DGKB: variants seen among roughly 807,000 people sequenced by gnomAD.
DGKB encodes the protein 90 kDa diacylglycerol kinase.
A neutral mutation model predicts 114.3 loss-of-function variants in DGKB; 67 were observed. The ratio of observed to expected loss-of-function variants is 0.59; its 90% CI spans 0.48 to 0.72. The LOEUF is 0.72. Ranked by LOEUF, DGKB falls within the 30% of genes least tolerant of loss-of-function variation. The pLI is 0.00. For synonymous variants in DGKB, 398 were observed against 323.1 expected (o/e 1.23, Z -2.49); for missense variants, 907 against 975.2 (o/e 0.93, Z 0.93).
At chr7:14,671,930 C>T (rs1439389714) in intron 13 of DGKB, among the ~76,000 whole-genome samples, 1 of 151,938 alleles carries the variant, frequency 6.6e-6, no homozygotes, top group African/African-American at 2.4e-5. Context: ...GTCTAATAAA[C>T]CTTACATGAA....
At chr7:14,828,444 C>A (rs1210469874) in intron 2 of DGKB, among the ~76,000 whole-genome samples, 1 of 151,958 alleles carries the variant, frequency 6.6e-6, no homozygotes, top group Admixed American at 6.6e-5. Flanking sequence ...TTGGTAGATG[C>A]CTTAGACAGT....
intron 20 of DGKB, among the ~76,000 whole-genome samples, chr7:14,526,638 G>C (rs1020437986): frequency 6.6e-6 from 1 of 152,130 alleles, no homozygotes; most frequent in East Asian, 1.9e-4. Flanking sequence ...ATGTAAGAGA[G>C]TGCCATAGTG....
At chr7:14,923,054 T>C (rs1784584847) in intron 1 of DGKB, among the ~76,000 whole-genome samples, 1 of 152,212 alleles carries the variant, frequency 6.6e-6, no homozygotes, top group East Asian at 1.9e-4. Flanking sequence ...TCTTCTAGAA[T>C]TGCTGGGTAT....
chr7:14,776,399 C>T (rs908243271), intron 2 of DGKB, among the ~76,000 whole-genome samples: 12 of 152,216 alleles, frequency 7.9e-5, no homozygotes, highest in African/African-American at 2.9e-4. Flanking sequence ...CAGACCTTCA[C>T]AGCAGGCCCT....
intron 21 of DGKB, among the ~76,000 whole-genome samples, chr7:14,369,901 G>A (rs1296945482): frequency 6.6e-6 from 1 of 152,082 alleles, no homozygotes; most frequent in African/African-American, 2.4e-5. Context: ...TATCTGAAAA[G>A]AACTATCTGA....
Position 14,778,414 on chromosome 7 carries a change from G to A in DGKB, c.71-20683C>T, listed in dbSNP as rs368265727. Among the ~76,000 whole-genome samples, 4 of 151,820 alleles carry A rather than the reference G, an allele frequency of 2.6e-5. No individual in the cohort carries two copies. In the East Asian group the frequency reaches 7.7e-4, roughly 29 times the overall value. ...ACTTGCAAAACAGTCATTTTTATGTGCTACACGCTCCACATTACAATATAT... is the reference window on the plus strand; with the variant it reads ...ACTTGCAAAACAGTCATTTTTATGTACTACACGCTCCACATTACAATATAT... On this transcript the variant is annotated intron_variant, in intron 2 of 25. Coordinates refer to ENST00000402815, the MANE Select transcript of DGKB (RefSeq NM_001350709.2).
At chr7:14,811,845 T>C (rs67104645) in intron 2 of DGKB, among the ~76,000 whole-genome samples, 62,562 of 151,696 alleles carry the variant, frequency 0.41, 14,685 homozygotes, top group African/African-American at 0.64. Flanking sequence ...TATGTGATAT[T>C]AAGTATATTC....
chr7:14,582,993 A>G (rs1264398270), intron 18 of DGKB, 59 bp downstream of exon 18: 2 of 1,090,674 alleles, frequency 1.8e-6, no homozygotes, highest in Admixed American at 1.7e-5. Context: ...CACATAGATG[A>G]AACAGGATTT....
chr7:14,304,274 G>T (rs897615282), intron 23 of DGKB, among the ~76,000 whole-genome samples: 1 of 151,746 alleles, frequency 6.6e-6, no homozygotes, highest in Non-Finnish European at 1.5e-5. Context: ...ATCCACCTAG[G>T]CTGTCAGAGT....
Position 14,250,668 on chromosome 7 carries a change from A to G in DGKB, c.2123-72517T>C, listed in dbSNP as rs541974470. Reference sequence around the variant, plus strand: ...TGTTTCTTGTGTTCATTTGGTCAGTAGTGTTGTAGAAGCCCACTGTTTCCT... The same window carrying G: ...TGTTTCTTGTGTTCATTTGGTCAGTGGTGTTGTAGAAGCCCACTGTTTCCT... On this transcript the variant is annotated intron_variant, in intron 23 of 25. Transcript: ENST00000402815. Among the ~76,000 whole-genome samples, 85 of 152,224 alleles carry G rather than the reference A, an allele frequency of 5.6e-4. 1 individual carries two copies. The highest frequency in any genetic ancestry group is 2.0e-3 in the African/African-American group (83 of 41,548).
At chr7:14,648,919 A>C (rs557649021) in intron 13 of DGKB, among the ~76,000 whole-genome samples, 16 of 124,454 alleles carry the variant, frequency 1.3e-4, no homozygotes, top group African/African-American at 4.5e-4. Context: ...AATGAATGAA[A>C]TGAAGCGAGA....
chr7:14,684,900 A>AG (rs796343993), intron 10 of DGKB, among the ~76,000 whole-genome samples: 23 of 151,096 alleles, frequency 1.5e-4, no homozygotes, highest in African/African-American at 5.2e-4. Flanking sequence ...ACATGTGGGG[A>AG]GGGGGGGATG....
chr7:14,418,440 G>C (rs1826141443), intron 21 of DGKB, among the ~76,000 whole-genome samples: 1 of 117,772 alleles, frequency 8.5e-6, no homozygotes, highest in African/African-American at 2.9e-5. Context: ...CTTTATGGCA[G>C]AGTGTAAAAT....
intron 2 of DGKB, among the ~76,000 whole-genome samples, chr7:14,821,383 C>T (rs1461242592): frequency 6.6e-6 from 1 of 151,982 alleles, no homozygotes; most frequent in Non-Finnish European, 1.5e-5. Flanking sequence ...ATACACAAAT[C>T]CAATCACATT....
Position 14,562,625 on chromosome 7 carries a change from C to T in DGKB, c.1770+11587G>A, listed in dbSNP as rs953205304. On this transcript the variant is annotated intron_variant, in intron 20 of 25. Coordinates refer to ENST00000402815, the MANE Select transcript of DGKB (RefSeq NM_001350709.2). ...AGTAAAAGGAGATCATTTTGGAACT[C>T]GAAGGTTTAATGACTGCCCTATTTG... Among the ~76,000 whole-genome samples the T allele has an allele frequency of 2.6e-5, 4 of 152,222 alleles. No homozygotes were observed. In the East Asian group the frequency reaches 7.7e-4, roughly 29 times the overall value.
intron 20 of DGKB, among the ~76,000 whole-genome samples, chr7:14,499,847 T>C (rs1377818500): frequency 7.1e-6 from 1 of 141,634 alleles, no homozygotes; most frequent in Middle Eastern, 3.2e-3. Flanking sequence ...TGATTAAATA[T>C]TTTCCAAATG....
At chr7:14,944,282 G>A (rs1341087273) in intron 1 of DGKB, among the ~76,000 whole-genome samples, 3 of 151,726 alleles carry the variant, frequency 2.0e-5, no homozygotes, top group African/African-American at 7.3e-5. Context: ...AATTTATTTT[G>A]TATCATTTAA....
rs533666119 is a variant in DGKB at position 14,221,032 on chromosome 7, G to A, written c.2123-42881C>T. Among the ~76,000 whole-genome samples, 371 of 151,324 alleles carry A rather than the reference G, an allele frequency of 2.5e-3. 2 individuals are homozygous for A. Among genetic ancestry groups the A allele is most frequent in the African/African-American group, 8.7e-3 (359 of 41,420 alleles). The stretch of plus-strand genomic sequence containing the variant: ...TATTGATCTTGTGACTTATAAGCAT[G>A]CCAAACTCATTGATTAGTTCTAATA... On this transcript the variant is annotated intron_variant, in intron 23 of 25. Transcript: ENST00000402815.
At chr7:14,515,730 T>C (rs566776455) in intron 20 of DGKB, among the ~76,000 whole-genome samples, 1 of 152,380 alleles carries the variant, frequency 6.6e-6, no homozygotes, top group East Asian at 1.9e-4. Context: ...CTAAATTATT[T>C]GAATAATCAC....
Sources: allele counts gnomAD v4.1 joint callset (sites outside exome capture counted in the v4.1 genomes callset), GRCh38; gene constraint gnomAD v4.1.1; transcripts MANE v1.5; gene names NCBI Gene and HGNC (gene_info 2026-07-23, HGNC 2026-07-21).